Variants in MGST1 observed in about 807,000 individuals in gnomAD.
MGST1 encodes glutathione S-transferase 12.
MGST1 carries 5 observed loss-of-function variants against 8.9 expected under a neutral mutation model. The ratio of observed to expected loss-of-function variants is 0.56; its 90% CI spans 0.29 to 1.19. The LOEUF (loss-of-function observed/expected upper bound fraction) is 1.19. MGST1 is among the 50% of genes most tolerant of loss of function. The pLI, the probability that MGST1 is intolerant of heterozygous loss-of-function variation, is 0.08. For missense variants in MGST1, 182 were observed against 187.4 expected (o/e 0.97, Z 0.17); for synonymous variants, 54 against 67.8 (o/e 0.80, Z 1.00).
At chr12:16,402,539 T>C in intron 1 of MGST1, 1 of 820,246 alleles carries the variant, frequency 1.2e-6, no homozygotes, top group Non-Finnish European at 2.0e-6. Context: ...AATAAGCTAC[T>C]AACACTTCTT....
Position 16,560,622 on chromosome 12 carries a change from T to C in MGST1, n.483-28906T>C. 1.6e-6 allele frequency: 2 copies of C among 1,223,152 alleles called. No individual in the cohort carries two copies. Among genetic ancestry groups the C allele is most frequent in the Non-Finnish European group, 1.2e-6 (1 of 857,520 alleles). The allele number at this position is 1,223,152 out of a possible 1,614,324, so 75.8% of individuals were successfully genotyped here. ...GAAGAGAGATGATGTTAATATACTC[T>C]GTAAAGCTACAATACACAATGCTTT... On this transcript the variant is annotated intron_variant and non_coding_transcript_variant, in intron 4 of 4. Transcript: ENST00000538857. The surrounding 1 kb of genome is among the most constrained non-coding windows in gnomAD (Gnocchi z 5.0).
intron 4 of MGST1, chr12:16,550,375 C>T (rs542253275): frequency 6.6e-6 from 1 of 152,326 alleles, no homozygotes; most frequent in East Asian, 1.9e-4. Context: ...TTACGTGATA[C>T]CCAAAGGCAC....
At chr12:16,514,168 G>A (rs139185239) in intron 4 of MGST1, 7 of 337,170 alleles carry the variant, frequency 2.1e-5, no homozygotes, top group East Asian at 7.8e-5. Flanking sequence ...TGGGCTGTGC[G>A]CCACTCTGCC....
At chr12:16,426,542 T>G (rs1359668660) in intron 1 of MGST1, among the ~76,000 whole-genome samples, 1 of 152,230 alleles carries the variant, frequency 6.6e-6, no homozygotes, top group East Asian at 1.9e-4. Flanking sequence ...AAATATTTAC[T>G]GAATGTTAAG....
chr12:16,566,931 T>TG (rs1383208957), intron 4 of MGST1, among the ~76,000 whole-genome samples: 1 of 152,152 alleles, frequency 6.6e-6, no homozygotes, highest in Non-Finnish European at 1.5e-5. Flanking sequence ...CAAAAGCCCA[T>TG]GCTACATAGT....
chr12:16,424,791 TGA>T (rs1412927355), intron 1 of MGST1, among the ~76,000 whole-genome samples: 1 of 152,144 alleles, frequency 6.6e-6, no homozygotes, highest in Non-Finnish European at 1.5e-5. Flanking sequence ...ATCATTAAAA[TGA>T]GAGTCATCCC....
Position 16,400,325 on chromosome 12 carries a change from T to C in MGST1, n.778+16721T>C, listed in dbSNP as rs530710786. The C allele has an allele frequency of 1.1e-4, 92 of 801,794 alleles. No homozygotes were observed. In the East Asian group the frequency reaches 1.9e-3, roughly 17 times the overall value. The allele number at this position is 801,794 out of a possible 1,614,324, so 49.7% of individuals were successfully genotyped here. ...TGGAATGAAGCATGCTTAATATTAT[T>C]GTACAAAATATCCAGTTTGTCTCCT... On this transcript the variant is annotated intron_variant and non_coding_transcript_variant, in intron 1 of 1. Coordinates refer to the MGST1 transcript ENST00000359720.
chr12:16,540,198 A>C (rs913408709), intron 4 of MGST1, among the ~76,000 whole-genome samples: 2 of 152,122 alleles, frequency 1.3e-5, no homozygotes, highest in Non-Finnish European at 2.9e-5. Flanking sequence ...TTGATCTTGG[A>C]GCCTTGATAT....
At chr12:16,459,855 A>T (rs1941205558) in intron 4 of MGST1, among the ~76,000 whole-genome samples, 1 of 152,090 alleles carries the variant, frequency 6.6e-6, no homozygotes, top group Non-Finnish European at 1.5e-5. Context: ...TCCTTATGGG[A>T]AAGTCTCCCG....
intron 4 of MGST1, among the ~76,000 whole-genome samples, chr12:16,535,187 A>G (rs1371260745): frequency 6.6e-6 from 1 of 152,206 alleles, no homozygotes; most frequent in African/African-American, 2.4e-5. Context: ...GCTTCTAGCC[A>G]CTAGCCCACT....
At chr12:16,573,306 CAAA>C (rs1340606469) in intron 4 of MGST1, among the ~76,000 whole-genome samples, 1 of 152,002 alleles carries the variant, frequency 6.6e-6, no homozygotes, top group African/African-American at 2.4e-5. Flanking sequence ...ATAGTTGAAA[CAAA>C]AATTTTGAAC....
chr12:16,409,348 A>G (rs890890189), intron 1 of MGST1, among the ~76,000 whole-genome samples: 4 of 152,194 alleles, frequency 2.6e-5, no homozygotes, highest in East Asian at 1.9e-4. Context: ...ATATTCTGAA[A>G]GGAATCTCTG....
intron 3 of MGST1, among the ~76,000 whole-genome samples, chr12:16,358,869 A>C (rs1304733457): frequency 7.6e-6 from 1 of 132,174 alleles, no homozygotes; most frequent in Non-Finnish European, 1.5e-5. Context: ...ATTCATATTG[A>C]TGGACACCTA....
Position 16,402,118 on chromosome 12 carries a change from C to G in MGST1, n.778+18514C>G. The G allele has an allele frequency of 4.0e-6, 6 of 1,515,936 alleles. No homozygotes were observed. The Admixed American group carries it at 8.3e-5, about 21-fold the overall frequency. 93.9% of individuals were successfully genotyped at this position (1,515,936 alleles called of 1,614,324 possible). On this transcript the variant is annotated intron_variant and non_coding_transcript_variant, in intron 1 of 1. Coordinates refer to the MGST1 transcript ENST00000359720. ...TTTTCTCATATCAGCAGTCTGATGG[C>G]AGGGGCTCCATTAGCATTCTCATTG...
At chr12:16,459,318 G>C (rs1306554129) in intron 4 of MGST1, among the ~76,000 whole-genome samples, 1 of 151,988 alleles carries the variant, frequency 6.6e-6, no homozygotes, top group African/African-American at 2.4e-5. Flanking sequence ...GAGCTTCAAA[G>C]CCTCTAAATG....
Position 16,401,883 on chromosome 12 carries a change from A to G in MGST1, n.778+18279A>G. On this transcript the variant is annotated intron_variant and non_coding_transcript_variant, in intron 1 of 1. Transcript: ENST00000359720. The surrounding 1 kb of genome is among the most constrained non-coding windows in gnomAD (Gnocchi z 4.3). ...GCCAGCTGCTTTCTTCATTAATTTG[A>G]GCTCCCCATCCTCCCTTACAGCGAC... 1 of 1,603,522 alleles carries G rather than the reference A, an allele frequency of 6.2e-7. No individual in the cohort carries two copies. Among genetic ancestry groups the G allele is most frequent in the Non-Finnish European group, 8.5e-7 (1 of 1,170,432 alleles).
intron 1 of MGST1, among the ~76,000 whole-genome samples, chr12:16,416,086 C>T (rs1331857435): frequency 6.6e-6 from 1 of 152,028 alleles, no homozygotes; most frequent in Admixed American, 6.5e-5. Context: ...TCACCTGGGC[C>T]TACCATTTTC....
intron 1 of MGST1, among the ~76,000 whole-genome samples, chr12:16,349,804 G>A (rs1269352869): frequency 6.7e-6 from 1 of 150,070 alleles, no homozygotes; most frequent in Non-Finnish European, 1.5e-5. Flanking sequence ...GAGTGCAGTG[G>A]CACGATCTCA....
At chr12:16,378,160 A>C (rs1940409379), downstream of MGST1, among the ~76,000 whole-genome samples, 2 of 151,934 alleles carry the variant, frequency 1.3e-5, no homozygotes. Flanking sequence ...ATTAGATCCC[A>C]TTTGTCAATT....
Sources: gnomAD v4.1 joint callset for allele counts (sites outside exome capture counted in the v4.1 genomes callset) on GRCh38, gnomAD v4.1.1 for gene constraint, Gnocchi (gnomAD v3.1) non-coding constraint, MANE v1.5 for transcripts, NCBI Gene and HGNC (gene_info 2026-07-23, HGNC 2026-07-21) for gene names.